The following NFIL3 variants were observed in gnomAD, a reference collection of about 807,000 sequenced individuals.
NFIL3 encodes nuclear factor interleukin-3-regulated protein.
Under a neutral mutation model 10.0 loss-of-function variants are expected in NFIL3, and 5 were observed. That is an observed-to-expected ratio of 0.50 (90% CI 0.26 to 1.06). NFIL3 has a LOEUF of 1.06. NFIL3 is among the 50% of genes least tolerant of loss of function. NFIL3 has a pLI of 0.13. For synonymous variants in NFIL3, 202 were observed against 206.5 expected (o/e 0.98, Z 0.19); for missense variants, 436 against 547.6 (o/e 0.80, Z 2.03).
At chr9:91,433,948 A>G in the NFIL3 span, among the ~76,000 whole-genome samples, 966 of 152,244 alleles carry the variant, frequency 6.3e-3, 16 homozygotes, top group African/African-American at 0.022. Context: ...AAGCTAGTCT[A>G]CATAAAGAAA....
At position 91,409,798 on chromosome 9, in the gene NFIL3, C is replaced by G; in HGVS notation, c.937G>C (p.Val313Leu). 6.2e-7 allele frequency: 1 copy of G among 1,614,172 alleles called. No individual in the cohort carries two copies. The highest frequency in any genetic ancestry group is 8.5e-7 in the Non-Finnish European group (1 of 1,180,040). Reference sequence around the variant, plus strand: ...GAGGAATTCACTTCTGGAACTTTAACCACAGTTGCATGCACATGCTTGAGT... The same window carrying G: ...GAGGAATTCACTTCTGGAACTTTAAGCACAGTTGCATGCACATGCTTGAGT... ...VELKHVHATV[V>L]KVPEVNSSAL... The change falls in exon 2 of 2, where the codon GTT becomes CTT. Residue 313 changes from valine to leucine, a missense_variant. Val to Leu is a conservative substitution (Grantham distance 32, BLOSUM62 1). Coordinates refer to ENST00000297689, the MANE Select transcript of NFIL3 (RefSeq NM_005384.3).
intron 1 of NFIL3, among the ~76,000 whole-genome samples, chr9:91,412,098 CAAAAAAAA>C (rs56891881): frequency 2.6e-5 from 2 of 76,850 alleles, no homozygotes; most frequent in East Asian, 4.1e-4. Context: ...AAGACTCTGT[CAAAAAAAA>C]AAAAAAAAAA....
chr9:91,460,421 T>C, the NFIL3 span, among the ~76,000 whole-genome samples: 2 of 151,740 alleles, frequency 1.3e-5, no homozygotes, highest in Non-Finnish European at 2.9e-5. Context: ...ACTATAGGTG[T>C]GCACCATCAT....
chr9:91,463,478 T>C, the NFIL3 span, among the ~76,000 whole-genome samples: 207 of 152,156 alleles, frequency 1.4e-3, 1 homozygote, highest in Middle Eastern at 3.4e-3. Context: ...ATGTAATATA[T>C]AGAAGAATGT....
chr9:91,464,826 G>A, the NFIL3 span, among the ~76,000 whole-genome samples: 70,713 of 151,836 alleles, frequency 0.47, 21,115 homozygotes, highest in African/African-American at 0.84. Context: ...GACACTTTGA[G>A]TAATTTACTA....
chr9:91,416,448 A>G (rs1457629132), intron 1 of NFIL3, among the ~76,000 whole-genome samples: 2 of 152,222 alleles, frequency 1.3e-5, no homozygotes, highest in African/African-American at 2.4e-5. Flanking sequence ...CTTATGATTA[A>G]TTTAACAATT....
At chr9:91,453,005 G>C in the NFIL3 span, among the ~76,000 whole-genome samples, 1 of 152,056 alleles carries the variant, frequency 6.6e-6, no homozygotes, top group African/African-American at 2.4e-5. Flanking sequence ...TGATAACACA[G>C]TATCACAGAC....
upstream of NFIL3, among the ~76,000 whole-genome samples, chr9:91,427,358 C>A (rs1378647373): frequency 6.6e-6 from 1 of 152,174 alleles, no homozygotes; most frequent in Admixed American, 6.5e-5. Context: ...AAGCAGGCTG[C>A]CTACCTGGCA....
At chr9:91,446,074 A>G in the NFIL3 span, among the ~76,000 whole-genome samples, 1 of 152,272 alleles carries the variant, frequency 6.6e-6, no homozygotes, top group African/African-American at 2.4e-5. Context: ...TCTCTGGGGT[A>G]GTGCAGTGTG....
At chr9:91,419,519 G>A (rs1419977925) in intron 1 of NFIL3, among the ~76,000 whole-genome samples, 5 of 152,178 alleles carry the variant, frequency 3.3e-5, no homozygotes, top group Non-Finnish European at 5.9e-5. Context: ...ACCCAGAAAA[G>A]GAAATTGTTT....
the NFIL3 span, among the ~76,000 whole-genome samples, chr9:91,429,839 C>A: frequency 1.3e-5 from 2 of 151,938 alleles, no homozygotes; most frequent in African/African-American, 2.4e-5. Context: ...GCAGTAGAGC[C>A]CAGTGCTGAA....
At chr9:91,462,917 T>C in the NFIL3 span, among the ~76,000 whole-genome samples, 2 of 151,992 alleles carry the variant, frequency 1.3e-5, no homozygotes, top group Admixed American at 1.3e-4. Context: ...TGTATAAGTT[T>C]TGGTAGTTTA....
chr9:91,460,367 C>T, the NFIL3 span, among the ~76,000 whole-genome samples: 1 of 148,002 alleles, frequency 6.8e-6, no homozygotes, highest in South Asian at 2.1e-4. Context: ...CTCCATCTCC[C>T]AGGTTCAAAT....
chr9:91,440,813 C>T, the NFIL3 span, among the ~76,000 whole-genome samples: 1 of 152,180 alleles, frequency 6.6e-6, no homozygotes, highest in East Asian at 1.9e-4. Context: ...GTGAGTTTTT[C>T]AAGATATCTT....
the NFIL3 span, among the ~76,000 whole-genome samples, chr9:91,476,514 C>T: frequency 2.0e-5 from 3 of 151,556 alleles, no homozygotes; most frequent in African/African-American, 4.8e-5. Flanking sequence ...CGGAGGTTGC[C>T]GTGAGCCAAG....
At chr9:91,470,196 C>A in the NFIL3 span, among the ~76,000 whole-genome samples, 1 of 151,824 alleles carries the variant, frequency 6.6e-6, no homozygotes, top group Non-Finnish European at 1.5e-5. Flanking sequence ...TTAATTATTG[C>A]CTCAATTTCA....
chr9:91,427,328 CG>C (rs1267519993), upstream of NFIL3, among the ~76,000 whole-genome samples: 1 of 152,116 alleles, frequency 6.6e-6, no homozygotes, highest in East Asian at 1.9e-4. Flanking sequence ...GGGGTGGAGA[CG>C]GGGGACTCAG....
chr9:91,469,005 T>G, the NFIL3 span, among the ~76,000 whole-genome samples: 4 of 152,194 alleles, frequency 2.6e-5, no homozygotes, highest in Non-Finnish European at 5.9e-5. Context: ...AGGATTGTCT[T>G]GGCAATGTGG....
intron 1 of NFIL3, among the ~76,000 whole-genome samples, chr9:91,422,459 T>A (rs1212463339): frequency 2.9e-5 from 1 of 34,942 alleles, no homozygotes; most frequent in Non-Finnish European, 5.1e-5. Flanking sequence ...GTTTAAAATA[T>A]CCTTAAGGAA....
Sources: gnomAD v4.1 joint callset for allele counts (sites outside exome capture counted in the v4.1 genomes callset) on GRCh38, gnomAD v4.1.1 for gene constraint, MANE v1.5 for transcripts, NCBI Gene and HGNC (gene_info 2026-07-23, HGNC 2026-07-21) for gene names.